The following SULT1E1 variants were observed in gnomAD, a reference collection of about 807,000 sequenced individuals.
The protein encoded by SULT1E1 is sulfotransferase 1E1.
Under a neutral mutation model 33.6 loss-of-function variants are expected in SULT1E1, and 36 were observed. The observed-to-expected ratio is 1.07, with a 90% CI of 0.82 to 1.41. SULT1E1 has a LOEUF of 1.41. Ranked by LOEUF, SULT1E1 falls within the 40% of genes most tolerant of loss-of-function variation. SULT1E1 has a pLI of 0.00. For synonymous variants in SULT1E1, 121 were observed against 111.7 expected (o/e 1.08, Z -0.53); for missense variants, 371 against 345.7 (o/e 1.07, Z -0.58).
chr4:69,821,710 C>A, the SULT1E1 span, among the ~76,000 whole-genome samples: 1 of 152,166 alleles, frequency 6.6e-6, no homozygotes, highest in African/African-American at 2.4e-5. Context: ...ACCCAGCTGT[C>A]CCTGGCTACT....
At chr4:69,855,508 G>T (rs1721216383) in intron 2 of SULT1E1, 82 bp from the exon 3 acceptor site, 2 of 1,448,248 alleles carry the variant, frequency 1.4e-6, no homozygotes, top group African/African-American at 2.8e-5. Flanking sequence ...GATGGAAAAA[G>T]TTGGAAGGTA....
intron 5 of SULT1E1, 70 bp from the exon 6 acceptor site, chr4:69,847,862 G>C (rs754853496): frequency 3.6e-4 from 309 of 851,188 alleles, no homozygotes; most frequent in Non-Finnish European, 4.3e-4. Flanking sequence ...TAGTGTTCAA[G>C]CAACAATAAC....
chr4:69,822,905 T>C, the SULT1E1 span, among the ~76,000 whole-genome samples: 8 of 152,312 alleles, frequency 5.3e-5, no homozygotes, highest in South Asian at 2.1e-4. Context: ...GCAAAATTAA[T>C]GTAGAGCAGA....
the SULT1E1 span, among the ~76,000 whole-genome samples, chr4:69,836,184 A>G: frequency 6.6e-6 from 1 of 152,212 alleles, no homozygotes; most frequent in Non-Finnish European, 1.5e-5. Context: ...GAAAGAAAAT[A>G]TATTAAATAT....
chr4:69,828,933 G>A, the SULT1E1 span, among the ~76,000 whole-genome samples: 12 of 152,170 alleles, frequency 7.9e-5, no homozygotes, highest in Non-Finnish European at 1.5e-4. Context: ...TGCTCGGTGA[G>A]GTGCAGTCTT....
rs750571398 is a variant in SULT1E1 at position 69,857,421 on chromosome 4, C to T, written c.145+79G>A. ...TCTTAATATAGAGAATGAGTGTGTA[C>T]GACATGAACACCTTAATATTTACCA... On this transcript the variant is annotated intron_variant, in intron 2 of 7. Coordinates refer to ENST00000226444, the MANE Select transcript of SULT1E1 (RefSeq NM_005420.3). The T allele has an allele frequency of 1.1e-4, 170 of 1,487,470 alleles. 1 individual carries two copies. Among genetic ancestry groups the T allele is most frequent in the Middle Eastern group, 5.5e-4 (3 of 5,412 alleles). 92.1% of individuals were successfully genotyped at this position (1,487,470 alleles called of 1,614,324 possible).
the SULT1E1 span, among the ~76,000 whole-genome samples, chr4:69,824,465 G>A: frequency 6.6e-6 from 1 of 152,174 alleles, no homozygotes; most frequent in Admixed American, 6.5e-5. Flanking sequence ...TCTCCCAGAG[G>A]AGGAGCTCCT....
chr4:69,841,009 GC>G (rs1303978186), downstream of SULT1E1, among the ~76,000 whole-genome samples: 6 of 152,072 alleles, frequency 3.9e-5, no homozygotes, highest in East Asian at 1.2e-3. Context: ...CAGAGATCAC[GC>G]CACTGCACTG....
At chr4:69,842,731 G>A (rs1455681019) in intron 7 of SULT1E1, among the ~76,000 whole-genome samples, 1 of 152,098 alleles carries the variant, frequency 6.6e-6, no homozygotes, top group Non-Finnish European at 1.5e-5. Flanking sequence ...CTGCCAGCCA[G>A]AGAGTGTTTC....
chr4:69,833,686 T>C, the SULT1E1 span, among the ~76,000 whole-genome samples: 4 of 152,164 alleles, frequency 2.6e-5, no homozygotes, highest in Non-Finnish European at 5.9e-5. Context: ...ATATTAACCA[T>C]AGGCAAAGTA....
At chr4:69,825,952 T>G in the SULT1E1 span, among the ~76,000 whole-genome samples, 16,456 of 152,134 alleles carry the variant, frequency 0.11, 1,024 homozygotes, top group Middle Eastern at 0.17. Context: ...ACTCGAGGAC[T>G]CTATTCCCTT....
the SULT1E1 span, among the ~76,000 whole-genome samples, chr4:69,828,974 T>C: frequency 2.6e-5 from 4 of 152,122 alleles, no homozygotes; most frequent in South Asian, 2.1e-4. Flanking sequence ...TCTGCAAAGA[T>C]TGTGGGAGAG....
the SULT1E1 span, among the ~76,000 whole-genome samples, chr4:69,832,572 G>A: frequency 6.6e-6 from 1 of 152,162 alleles, no homozygotes; most frequent in Admixed American, 6.5e-5. Flanking sequence ...ATCAGGCTAT[G>A]CCAGGCATAT....
At chr4:69,857,404 T>C (rs1278556424) in intron 2 of SULT1E1, 96 bp downstream of exon 2, 2 of 1,424,246 alleles carry the variant, frequency 1.4e-6, no homozygotes, top group South Asian at 3.0e-5. Flanking sequence ...GTTCTTAATA[T>C]AGAGAATGAG....
At chr4:69,853,658 G>T (rs545538161) in intron 4 of SULT1E1, among the ~76,000 whole-genome samples, 2 of 152,008 alleles carry the variant, frequency 1.3e-5, no homozygotes, top group Non-Finnish European at 2.9e-5. Flanking sequence ...TTTCTGAAAT[G>T]GACTAGGTGT....
intron 4 of SULT1E1, among the ~76,000 whole-genome samples, chr4:69,852,378 A>G (rs903206881): frequency 3.9e-5 from 6 of 152,130 alleles, no homozygotes; most frequent in Admixed American, 3.9e-4. Context: ...AGACTTTTGT[A>G]ACCACTTTTG....
chr4:69,826,127 T>G, the SULT1E1 span, among the ~76,000 whole-genome samples: 1 of 152,154 alleles, frequency 6.6e-6, no homozygotes, highest in Middle Eastern at 3.2e-3. Flanking sequence ...GTATTCTTCC[T>G]ATTCATATAA....
At chr4:69,848,134 T>G (rs982177795) in intron 5 of SULT1E1, among the ~76,000 whole-genome samples, 1 of 150,872 alleles carries the variant, frequency 6.6e-6, no homozygotes, top group Non-Finnish European at 1.5e-5. Context: ...AAATTGTTAG[T>G]GAAGGGAGTT....
the SULT1E1 span, among the ~76,000 whole-genome samples, chr4:69,822,264 A>G: frequency 6.6e-6 from 1 of 152,192 alleles, no homozygotes; most frequent in Non-Finnish European, 1.5e-5. Context: ...ACCATTTCAC[A>G]GGTAAAGATA....
Sources: gnomAD v4.1 joint callset for allele counts (sites outside exome capture counted in the v4.1 genomes callset) on GRCh38, gnomAD v4.1.1 for gene constraint, MANE v1.5 for transcripts, NCBI Gene and HGNC (gene_info 2026-07-23, HGNC 2026-07-21) for gene names.